Variants in CCM2 observed in about 807,000 individuals in gnomAD.
CCM2 encodes the protein cerebral cavernous malformations 2 protein.
In CCM2, 25 loss-of-function variants were observed where a neutral mutation model predicts 44.9. That is an observed-to-expected ratio of 0.56 (90% CI 0.41 to 0.78). The LOEUF is 0.78. Among genes scored for constraint, CCM2 ranks in the 30% least tolerant of loss-of-function variants. CCM2 has a pLI of 0.00. For synonymous variants in CCM2, 219 were observed against 241.1 expected (o/e 0.91, Z 0.85); for missense variants, 481 against 580.6 (o/e 0.83, Z 1.76).
intron 1 of CCM2, chr7:45,027,900 G>C: frequency 2.5e-6 from 3 of 1,222,922 alleles, no homozygotes; most frequent in Non-Finnish European, 3.6e-6. Flanking sequence ...CCCATTGTGA[G>C]CTAGGGTAGC....
In CCM2 at chr7:45,025,854, A is replaced by T. The variant is rs573450993; in HGVS notation, c.31-12399A>T. Among the ~76,000 whole-genome samples, 4 of 152,090 alleles carry T rather than the reference A, an allele frequency of 2.6e-5. No individual in the cohort carries two copies. In the East Asian group the frequency reaches 7.7e-4, roughly 29 times the overall value. On this transcript the variant is annotated intron_variant, in intron 1 of 9. Coordinates refer to ENST00000258781, the MANE Select transcript of CCM2 (RefSeq NM_031443.4). ...CGGCCGTTTTCTCTTTTTCATAGCT[A>T]TCTAGTCTTATTTTATGGATGCAGT...
intron 2 of CCM2, among the ~76,000 whole-genome samples, chr7:45,048,775 T>G (rs1233668233): frequency 1.3e-5 from 2 of 151,660 alleles, no homozygotes; most frequent in African/African-American, 4.8e-5. Context: ...AAAAAAAAAT[T>G]CTTTCTGTAG....
In CCM2 at chr7:45,073,503, A is replaced by G. The variant is rs749095770; in HGVS notation, c.847A>G (p.Ser283Gly). ...SVDVGGASPH[S>G]KTISESELSA... ...GGATGTGGGTGGTGCATCACCCCAC[A>G]GCAAGACCATCAGTGAGAGCGAGCT... Residue 283 changes from serine (S) to glycine (G), a missense_variant, in exon 8 of 10, where the codon AGC becomes GGC. Coordinates refer to ENST00000258781, the MANE Select transcript of CCM2 (RefSeq NM_031443.4). 10 of 1,613,454 alleles carry G rather than the reference A, an allele frequency of 6.2e-6. No homozygotes were observed. The highest frequency in any genetic ancestry group is 7.6e-6 in the Non-Finnish European group (9 of 1,180,018).
intron 9 of CCM2, among the ~76,000 whole-genome samples, 184 bp downstream of exon 9, chr7:45,074,592 A>G (rs1799254703): frequency 6.6e-6 from 1 of 152,146 alleles, no homozygotes. Context: ...GTGATTAGTC[A>G]GAAGGGCTTT....
intron 6 of CCM2, chr7:45,070,631 G>C (rs1168655234): frequency 3.1e-6 from 1 of 319,270 alleles, no homozygotes; most frequent in Non-Finnish European, 6.4e-6. Flanking sequence ...AGGATTAATG[G>C]GTTATATAAA....
intron 2 of CCM2, chr7:45,043,561 G>A (rs575774520): frequency 5.2e-5 from 12 of 230,638 alleles, no homozygotes; most frequent in South Asian, 1.7e-4. Context: ...CCAAGGAGGC[G>A]GAGGTTGCAG....
At chr7:45,063,576 C>T (rs549299365) in intron 2 of CCM2, among the ~76,000 whole-genome samples, 1 of 152,294 alleles carries the variant, frequency 6.6e-6, no homozygotes, top group South Asian at 2.1e-4. Context: ...GTTTCCCCAG[C>T]AGTGACGAGA....
chr7:45,067,494 C>T (rs192992078), intron 4 of CCM2: 1 of 152,326 alleles, frequency 6.6e-6, no homozygotes, highest in African/African-American at 2.4e-5. Flanking sequence ...TTATTTACCC[C>T]TCCGTACCCA....
At chr7:45,073,801 A>G in intron 8 of CCM2, 1 of 580,026 alleles carries the variant, frequency 1.7e-6, no homozygotes, top group Non-Finnish European at 3.1e-6. Context: ...TCAGGGCTGG[A>G]CTGTGGGCCT....
chr7:45,052,420 G>A (rs1016740045), intron 2 of CCM2, among the ~76,000 whole-genome samples: 9 of 152,132 alleles, frequency 5.9e-5, no homozygotes, highest in Admixed American at 4.6e-4. Flanking sequence ...CTGTGTATTG[G>A]GAACCCTTTC....
At chr7:45,052,416 A>G (rs927795356) in intron 2 of CCM2, among the ~76,000 whole-genome samples, 1 of 152,118 alleles carries the variant, frequency 6.6e-6, no homozygotes, top group Non-Finnish European at 1.5e-5. Context: ...TCAGCTGTGT[A>G]TTGGGAACCC....
chr7:45,053,899 C>T (rs1798127264), intron 2 of CCM2, among the ~76,000 whole-genome samples: 1 of 152,200 alleles, frequency 6.6e-6, no homozygotes, highest in Non-Finnish European at 1.5e-5. Flanking sequence ...TCCACTTTGC[C>T]ACAGCAGTCC....
chr7:45,024,747 T>C (rs1213297175), intron 1 of CCM2, among the ~76,000 whole-genome samples: 1 of 152,262 alleles, frequency 6.6e-6, no homozygotes, highest in Non-Finnish European at 1.5e-5. Flanking sequence ...CATCTGATGC[T>C]GATCTGAGTC....
chr7:45,064,759 C>T (rs1330857063), intron 4 of CCM2, 113 bp downstream of exon 4: 22 of 1,086,352 alleles, frequency 2.0e-5, no homozygotes, highest in African/African-American at 3.1e-5. Flanking sequence ...CTGTTTGTCA[C>T]GACCAATAAT....
chr7:45,000,376 G>GGGGGC lies in CCM2; in HGVS notation c.30+15_30+19dup. 1 of 1,293,626 alleles carries GGGGGC rather than the reference G, an allele frequency of 7.7e-7. No individual in the cohort carries two copies. Among genetic ancestry groups the GGGGGC allele is most frequent in the Non-Finnish European group, 9.9e-7 (1 of 1,013,516 alleles). 80.1% of individuals were successfully genotyped at this position (1,293,626 alleles called of 1,614,324 possible). A position where few individuals can be genotyped will look rare whatever the true frequency, so the allele number is the denominator to read the frequency against. On this transcript the variant is annotated intron_variant, in intron 1 of 9. Transcript: ENST00000258781. ...GAAGGGCAAGAAGGTGAGCGTGCGC[G>GGGGGC]GGGGCGTCCTACTGCTGTGGTCGGC...
intron 1 of CCM2, among the ~76,000 whole-genome samples, chr7:45,017,260 A>G (rs1196503497): frequency 6.6e-6 from 1 of 152,256 alleles, no homozygotes; most frequent in East Asian, 1.9e-4. Context: ...AGGTGGAGAC[A>G]ACATTATATT....
intron 2 of CCM2, among the ~76,000 whole-genome samples, chr7:45,045,844 C>T (rs1797730471): frequency 6.6e-6 from 1 of 152,076 alleles, no homozygotes; most frequent in Non-Finnish European, 1.5e-5. Flanking sequence ...TGTTTTTGAA[C>T]AATGAATATG....
At chr7:45,018,411 G>A (rs1251434474) in intron 1 of CCM2, among the ~76,000 whole-genome samples, 2 of 152,170 alleles carry the variant, frequency 1.3e-5, no homozygotes, top group Admixed American at 1.3e-4. Context: ...AGGCTGGAGT[G>A]CAGTGGCGTG....
At chr7:45,008,187 G>A (rs895449260) in intron 1 of CCM2, among the ~76,000 whole-genome samples, 5 of 151,742 alleles carry the variant, frequency 3.3e-5, no homozygotes, top group East Asian at 3.9e-4. Flanking sequence ...CTATAGGTGC[G>A]TGTTCCCATG....
Sources: allele counts gnomAD v4.1 joint callset (sites outside exome capture counted in the v4.1 genomes callset), GRCh38; gene constraint gnomAD v4.1.1; transcripts MANE v1.5; gene names NCBI Gene and HGNC (gene_info 2026-07-23, HGNC 2026-07-21).